Variants in MAPRE3 observed in about 807,000 individuals in gnomAD.
The protein encoded by MAPRE3 is microtubule associated protein RP/EB family member 3.
Under a neutral mutation model 30.5 loss-of-function variants are expected in MAPRE3, and 2 were observed. The observed-to-expected ratio is 0.07, with a 90% CI of 0.03 to 0.21. The LOEUF (loss-of-function observed/expected upper bound fraction) is 0.21, where lower values mean the gene tolerates loss of function less well. Ranked by LOEUF, MAPRE3 falls within the 10% of genes least tolerant of loss-of-function variation. The probability of loss-of-function intolerance (pLI) is 1.00; values close to 1 mark genes in which losing one functional copy is unlikely to be tolerated. For synonymous variants in MAPRE3, 110 were observed against 127.7 expected (o/e 0.86, Z 0.93); for missense variants, 204 against 351.8 (o/e 0.58, Z 3.36).
chr2:27,018,848 G>A (rs1667045202), intron 1 of MAPRE3, among the ~76,000 whole-genome samples: 1 of 151,964 alleles, frequency 6.6e-6, no homozygotes, highest in African/African-American at 2.4e-5. Flanking sequence ...AACAGAGCCT[G>A]ACCATTGAAG....
At position 26,986,682 on chromosome 2, in the gene MAPRE3, C is replaced by T. The variant is rs886397769; in HGVS notation, c.-8+15880C>T. 4.6e-5 allele frequency: 7 copies of T among 152,178 alleles called. No individual in the cohort carries two copies. Among genetic ancestry groups the T allele is most frequent in the African/African-American group, 1.7e-4 (7 of 41,400 alleles). The allele number at this position is 152,178 out of a possible 1,614,324, so 9.4% of individuals were successfully genotyped here. ...TCACCTTTGGTCCTTCTCAGGCAGACTAAGCTGGATGGGCCTTTGGTTTGG... is the reference window on the plus strand; with the variant it reads ...TCACCTTTGGTCCTTCTCAGGCAGATTAAGCTGGATGGGCCTTTGGTTTGG... On this transcript the variant is annotated intron_variant, in intron 1 of 6. Transcript: ENST00000233121. The surrounding 1 kb of genome is among the most constrained non-coding windows in gnomAD (Gnocchi z 4.2).
In MAPRE3 at chr2:26,986,182, C is replaced by G. The variant is rs1666214751; in HGVS notation, c.-8+15380C>G. The stretch of plus-strand genomic sequence containing the variant: ...TTCACTGGCTCCTGGCAGCGCATCA[C>G]TCTGCTTCCATCATCACTGTTCTCT... On this transcript the variant is annotated intron_variant, in intron 1 of 6. Coordinates refer to ENST00000233121, the MANE Select transcript of MAPRE3 (RefSeq NM_012326.4). The surrounding 1 kb of genome is among the most constrained non-coding windows in gnomAD (Gnocchi z 4.2). 6.6e-6 allele frequency among the ~76,000 whole-genome samples: 1 copy of G among 152,176 alleles called. No individual in the cohort carries two copies. The highest frequency in any genetic ancestry group is 1.5e-5 in the Non-Finnish European group (1 of 68,022).
chr2:26,997,987 C>T (rs1285876979), intron 1 of MAPRE3, among the ~76,000 whole-genome samples: 1 of 152,220 alleles, frequency 6.6e-6, no homozygotes, highest in Non-Finnish European at 1.5e-5. Flanking sequence ...GAAGACCTGC[C>T]ATGGTGGGAC....
chr2:26,979,975 G>A (rs1666081644), intron 1 of MAPRE3, among the ~76,000 whole-genome samples: 1 of 152,156 alleles, frequency 6.6e-6, no homozygotes, highest in African/African-American at 2.4e-5. Context: ...TAGAGTGGGA[G>A]TCAGCAGCAC....
chr2:26,989,945 G>A (rs988855811), intron 1 of MAPRE3, among the ~76,000 whole-genome samples: 5 of 152,142 alleles, frequency 3.3e-5, no homozygotes, highest in African/African-American at 7.2e-5. Context: ...TTGAGAAGCC[G>A]AGGTGGGACG....
intron 1 of MAPRE3, among the ~76,000 whole-genome samples, chr2:27,010,358 T>C (rs888996928): frequency 8.5e-5 from 13 of 152,106 alleles, no homozygotes; most frequent in African/African-American, 3.1e-4. Context: ...AATCTAGAAC[T>C]TGAGGGTAGG....
At chr2:26,975,480 A>G (rs932091401) in intron 1 of MAPRE3, among the ~76,000 whole-genome samples, 2 of 152,244 alleles carry the variant, frequency 1.3e-5, no homozygotes, top group Admixed American at 6.5e-5. Flanking sequence ...CAAGCTGTTC[A>G]GGTGCAAGAG....
intron 3 of MAPRE3, 60 bp downstream of exon 3, chr2:27,023,537 C>T (rs771799217): frequency 4.4e-6 from 7 of 1,602,524 alleles, no homozygotes; most frequent in Middle Eastern, 3.3e-4. Flanking sequence ...AAGAAGAGGA[C>T]CCACCAGCCC....
At chr2:27,008,634 C>T (rs1437352129) in intron 1 of MAPRE3, among the ~76,000 whole-genome samples, 1 of 152,022 alleles carries the variant, frequency 6.6e-6, no homozygotes, top group African/African-American at 2.4e-5. Context: ...AATGCCTGGG[C>T]CTTCCAACTA....
chr2:27,016,622 GATCC>G (rs1387108845), intron 1 of MAPRE3, among the ~76,000 whole-genome samples: 2 of 152,088 alleles, frequency 1.3e-5, no homozygotes, highest in African/African-American at 4.8e-5. Flanking sequence ...CTGACCTCAT[GATCC>G]GCCCACCTCG....
At position 27,005,920 on chromosome 2, in the gene MAPRE3, C is replaced by T. The variant is rs971486273; in HGVS notation, c.-7-16292C>T. Among the ~76,000 whole-genome samples the T allele has an allele frequency of 3.3e-5, 5 of 152,134 alleles. 1 individual carries two copies. The highest frequency in any genetic ancestry group is 1.3e-4 in the Admixed American group (2 of 15,274). On this transcript the variant is annotated intron_variant, in intron 1 of 6. Coordinates refer to ENST00000233121, the MANE Select transcript of MAPRE3 (RefSeq NM_012326.4). ...TGTGTCGGCCGGGCGCGGTGGCTCA[C>T]GCCTGTAATCCCAGCACTTTGGGAG...
chr2:26,981,258 C>T (rs1414089599), intron 1 of MAPRE3, among the ~76,000 whole-genome samples: 1 of 151,978 alleles, frequency 6.6e-6, no homozygotes, highest in African/African-American at 2.4e-5. Context: ...GGGACGGGCA[C>T]CAGGAATGGG....
chr2:27,019,827 C>A (rs1425623416), intron 1 of MAPRE3, among the ~76,000 whole-genome samples: 1 of 152,186 alleles, frequency 6.6e-6, no homozygotes, highest in Admixed American at 6.5e-5. Context: ...TTCTTCAAAG[C>A]ATTCATTTAA....
rs1666200565 is a variant in MAPRE3, at chr2:26,985,545, C to T, written c.-8+14743C>T. Among the ~76,000 whole-genome samples, 2 of 152,288 alleles carry T rather than the reference C, an allele frequency of 1.3e-5. No individual in the cohort carries two copies. Among genetic ancestry groups the T allele is most frequent in the Admixed American group, 1.3e-4 (2 of 15,306 alleles). On this transcript the variant is annotated intron_variant, in intron 1 of 6. Transcript: ENST00000233121. This position sits in a 1 kb window ranked among gnomAD's most constrained non-coding sequence, Gnocchi z 4.2. The stretch of plus-strand genomic sequence containing the variant: ...CAACCACCATAACTCAGAGCAACCC[C>T]TGGAGAATGAGAGAGCAGCCTAGGA...
intron 1 of MAPRE3, among the ~76,000 whole-genome samples, chr2:27,008,789 A>G (rs996054154): frequency 6.6e-6 from 1 of 152,164 alleles, no homozygotes; most frequent in African/African-American, 2.4e-5. Context: ...AAAACTGGAG[A>G]CAACCCTGAC....
intron 1 of MAPRE3, among the ~76,000 whole-genome samples, chr2:27,008,298 GAGTCTTCTGGGCTGGGCAC>G (rs1366657623): frequency 6.6e-6 from 1 of 152,154 alleles, no homozygotes; most frequent in East Asian, 1.9e-4. Flanking sequence ...TAAGAAGCGA[GAGTCTTCTGGGCTGGGCAC>G]AGTGGCGCAT....
intron 1 of MAPRE3, among the ~76,000 whole-genome samples, chr2:26,984,539 G>A (rs1043376634): frequency 6.6e-6 from 1 of 151,884 alleles, no homozygotes. Context: ...GGGTGGTTTG[G>A]GTGGGCTTTA....
chr2:26,999,488 CTTTTTTTTTTTT>C (rs531651199), intron 1 of MAPRE3, among the ~76,000 whole-genome samples: 1 of 79,006 alleles, frequency 1.3e-5, no homozygotes, highest in African/African-American at 5.3e-5. Context: ...TTCCTTCTTT[CTTTTTTTTTTTT>C]TTTTTTTTTT....
intron 4 of MAPRE3, among the ~76,000 whole-genome samples, chr2:27,024,566 G>A (rs1667192636): frequency 2.6e-5 from 4 of 152,242 alleles, no homozygotes; most frequent in Admixed American, 2.0e-4. Context: ...TTGTTTCATA[G>A]CACGAGCTAA....
Sources: gnomAD v4.1 joint callset for allele counts (sites outside exome capture counted in the v4.1 genomes callset) on GRCh38, gnomAD v4.1.1 for gene constraint, Gnocchi (gnomAD v3.1) non-coding constraint, MANE v1.5 for transcripts, NCBI Gene and HGNC (gene_info 2026-07-23, HGNC 2026-07-21) for gene names.